Variants in SOAT2 observed in about 807,000 individuals in gnomAD.
The protein encoded by SOAT2 is sterol O-acyltransferase 2.
In SOAT2, 87 loss-of-function variants were observed where a neutral mutation model predicts 76.0. The ratio of observed to expected loss-of-function variants is 1.14; its 90% confidence interval spans 0.96 to 1.37. SOAT2 has a LOEUF of 1.37. Among genes scored for constraint, SOAT2 ranks in the 40% most tolerant of loss-of-function variants. The probability of loss-of-function intolerance (pLI) is 0.00; values close to 1 mark genes in which losing one functional copy is unlikely to be tolerated. For synonymous variants in SOAT2, 285 were observed against 275.4 expected, an observed-to-expected ratio of 1.03 and a Z score of -0.34; for missense variants, 686 against 682.1, an observed-to-expected ratio of 1.01 and a Z score of -0.06.
chr12:53,123,085 T>C lies in SOAT2; in HGVS notation c.1241T>C (p.Leu414Pro), dbSNP rs138006490. ...SYVYQDGLRLLGARARGVAML... is the reference protein window; with the variant it reads ...SYVYQDGLRLPGARARGVAML... ...CTCCTTTCCTCACCCTGCCAGCTCC[T>C]TGGTGCCCGGGCCCGAGGGGTAGCC... The change falls in exon 13 of 15, where the codon CTT becomes CCT. Residue 414 changes from leucine (L) to proline (P), a missense_variant. Transcript: ENST00000301466. The C allele has an allele frequency of 2.4e-4, 389 of 1,611,928 alleles. 3 individuals are homozygous for C. The African/African-American group carries it at 4.8e-3, about 20-fold the overall frequency.
intron 5 of SOAT2, 83 bp from the exon 6 acceptor site, chr12:53,115,304 TTCA>T: frequency 6.9e-7 from 1 of 1,450,706 alleles, no homozygotes; most frequent in Non-Finnish European, 9.2e-7. Context: ...GATACCTCAG[TTCA>T]TCTTCCAGGA....
At chr12:53,113,171 TC>T in intron 5 of SOAT2, among the ~76,000 whole-genome samples, 1 of 152,210 alleles carries the variant, frequency 6.6e-6, no homozygotes, top group African/African-American at 2.4e-5. Context: ...GGGAGTGCAC[TC>T]AGGCAAAACA....
intron 5 of SOAT2, 82 bp downstream of exon 5, chr12:53,106,096 C>G (rs1937930456): frequency 2.2e-6 from 2 of 899,620 alleles, no homozygotes; most frequent in Non-Finnish European, 3.6e-6. Flanking sequence ...GCCCTTGGGG[C>G]AAGAGGACAC....
intron 5 of SOAT2, among the ~76,000 whole-genome samples, chr12:53,106,657 T>G (rs1485220130): frequency 1.3e-5 from 2 of 152,254 alleles, no homozygotes; most frequent in Non-Finnish European, 2.9e-5. Flanking sequence ...TTTTTATTTC[T>G]GTAACCAGTT....
At position 53,119,234 on chromosome 12, in the gene SOAT2, C is replaced by T. The variant is rs759168086; in HGVS notation, c.1020C>T (p.Ile340=). The T allele has an allele frequency of 4.3e-6, 7 of 1,614,112 alleles. No individual in the cohort carries two copies. The South Asian group carries it at 6.6e-5, about 15-fold the overall frequency. The change falls in exon 10 of 15, where the codon ATC becomes ATT. Residue 340 remains isoleucine, a synonymous_variant. Transcript: ENST00000301466. ...GCACCCGTGCCCTGGTGCTCTCTAT[C>T]CTGCATGCCACGTTGCCAGGTGAGC... ...PFSTRALVLS[I]LHATLPGIFM...
chr12:53,110,614 C>A (rs1937996977), intron 5 of SOAT2, among the ~76,000 whole-genome samples: 2 of 152,084 alleles, frequency 1.3e-5, no homozygotes, highest in African/African-American at 4.8e-5. Context: ...TATATAAATT[C>A]TCTTTTCTTT....
chr12:53,105,941 TACC>T lies in SOAT2; in HGVS notation c.373_375del (p.His125del). 2 of 1,582,502 alleles carry T rather than the reference TACC, an allele frequency of 1.3e-6. No individual in the cohort carries two copies. Among genetic ancestry groups the T allele is most frequent in the Non-Finnish European group, 1.7e-6 (2 of 1,169,336 alleles). On this transcript the variant is annotated inframe_deletion, in exon 5 of 15. Coordinates refer to ENST00000301466, the MANE Select transcript of SOAT2 (RefSeq NM_003578.4). ...GGAGGTGCAGCATTTCCGCACCATC[TACC>T]ACATGTTCATCGCTGGCCTGTGTGT...
At chr12:53,107,622 C>CTTTTTTTTTTTTTTTTTTTTTTTTT (rs1303838303) in intron 5 of SOAT2, among the ~76,000 whole-genome samples, 3 of 117,036 alleles carry the variant, frequency 2.6e-5, no homozygotes, top group African/African-American at 1.1e-4. Flanking sequence ...AACAGATGTA[C>CTTTTTTTTTTTTTTTTTTTTTTTTT]TTTTTTTTTT....
intron 10 of SOAT2, among the ~76,000 whole-genome samples, chr12:53,119,998 C>A (rs975999566): frequency 6.6e-6 from 1 of 152,166 alleles, no homozygotes; most frequent in Admixed American, 6.6e-5. Flanking sequence ...ACATCTGGCA[C>A]AAAGTGATGC....
chr12:53,114,925 C>A (rs1228572753), intron 5 of SOAT2, among the ~76,000 whole-genome samples: 1 of 152,144 alleles, frequency 6.6e-6, no homozygotes, highest in African/African-American at 2.4e-5. Flanking sequence ...TATGGAGGTG[C>A]CAGATTTGTT....
In SOAT2 at chr12:53,103,705, A is replaced by T. The variant is rs142840773; in HGVS notation, c.82+46A>T. On this transcript the variant is annotated intron_variant, in intron 1 of 14. Transcript: ENST00000301466. Reference sequence around the variant, plus strand: ...CAGAAGGCACAGGCAAGTGGGGGGGAGGCGGGGAGAGATGCGCTATGGAGA... The same window carrying T: ...CAGAAGGCACAGGCAAGTGGGGGGGTGGCGGGGAGAGATGCGCTATGGAGA... 3.7e-4 allele frequency: 521 copies of T among 1,397,566 alleles called. No homozygotes were observed. In the African/African-American group the frequency reaches 6.7e-3, roughly 18 times the overall value. The allele number at this position is 1,397,566 out of a possible 1,614,324, so 86.6% of individuals were successfully genotyped here. A position where few individuals can be genotyped will look rare whatever the true frequency, so the allele number is the denominator to read the frequency against.
In SOAT2 at chr12:53,116,134, A is replaced by G; in HGVS notation, c.746A>G (p.Glu249Gly). 6.2e-7 allele frequency: 1 copy of G among 1,614,160 alleles called. No individual in the cohort carries two copies. The highest frequency in any genetic ancestry group is 8.5e-7 in the Non-Finnish European group (1 of 1,180,000). The stretch of plus-strand genomic sequence containing the variant: ...ATGAAAAGCTACTCCTTCCTGAGAG[A>G]GGCTGTGCCTGGGACCCTTCGTGCC... ...FLMKSYSFLREAVPGTLRARR... is the reference protein window; with the variant it reads ...FLMKSYSFLRGAVPGTLRARR... The change falls in exon 7 of 15, where the codon GAG becomes GGG. Residue 249 changes from glutamate to glycine, a missense_variant. Coordinates refer to ENST00000301466, the MANE Select transcript of SOAT2 (RefSeq NM_003578.4).
chr12:53,119,895 G>A (rs1013432459), intron 10 of SOAT2, among the ~76,000 whole-genome samples: 1 of 152,108 alleles, frequency 6.6e-6, no homozygotes, highest in Non-Finnish European at 1.5e-5. Flanking sequence ...TGGACACATG[G>A]TTGGACATCT....
chr12:53,105,672 G>A (rs780529132), intron 4 of SOAT2, 52 bp downstream of exon 4: 1 of 1,519,254 alleles, frequency 6.6e-7, no homozygotes, highest in Admixed American at 1.8e-5. Context: ...GCTTTGGCTA[G>A]GGGTCAAGGT....
intron 5 of SOAT2, among the ~76,000 whole-genome samples, chr12:53,110,067 C>T (rs1419487463): frequency 1.3e-5 from 2 of 152,162 alleles, no homozygotes; most frequent in East Asian, 1.9e-4. Flanking sequence ...TTTATCTTAC[C>T]CAACTTAAAA....
rs767371546 is a variant in SOAT2, at chr12:53,119,139, C to T, written c.925C>T (p.Leu309Phe). 43 of 1,613,904 alleles carry T rather than the reference C, an allele frequency of 2.7e-5. No homozygotes were observed. In the South Asian group the frequency reaches 4.5e-4, roughly 17 times the overall value. ...KNFAQALGCV[L>F]YACFILGRLC... is the part of the protein sequence containing the mutation. ...CCCCCTCCAGGCCCTGGGATGTGTG[C>T]TCTATGCCTGCTTCATCCTGGGCCG... Residue 309 changes from leucine (L) to phenylalanine (F), a missense_variant, in exon 10 of 15, where the codon CTC (leucine) becomes TTC (phenylalanine). Coordinates refer to ENST00000301466, the MANE Select transcript of SOAT2 (RefSeq NM_003578.4).
Position 53,115,665 on chromosome 12 carries a change from A to G in SOAT2, c.708+11A>G. 6.7e-7 allele frequency: 1 copy of G among 1,503,320 alleles called. No homozygotes were observed. Among genetic ancestry groups the G allele is most frequent in the African/African-American group, 1.4e-5 (1 of 72,640 alleles). The allele number at this position is 1,503,320 out of a possible 1,614,324, so 93.1% of individuals were successfully genotyped here. A position where few individuals can be genotyped will look rare whatever the true frequency, so the allele number is the denominator to read the frequency against. On this transcript the variant is annotated intron_variant, in intron 6 of 14. Transcript: ENST00000301466. ...CTGGTCTTCGAGCAGGTGAGGGCCGAGCCCTGCTGACGGACAGGAAGGAAC... is the reference window on the plus strand; with the variant it reads ...CTGGTCTTCGAGCAGGTGAGGGCCGGGCCCTGCTGACGGACAGGAAGGAAC...
chr12:53,119,176 C>T lies in SOAT2; in HGVS notation c.962C>T (p.Pro321Leu), dbSNP rs1169681659. ...TTCATCCTGGGCCGCCTCTGTGTTC[C>T]TGTCTTTGCCAACATGAGCCGAGAG... ...ACFILGRLCV[P>L]VFANMSREPF... The change falls in exon 10 of 15, where the codon CCT (proline) becomes CTT (leucine). Residue 321 changes from proline (P) to leucine (L), a missense_variant. By Grantham distance (98) the Pro-to-Leu change is moderately conservative (BLOSUM62 -3). Coordinates refer to ENST00000301466, the MANE Select transcript of SOAT2 (RefSeq NM_003578.4). The T allele has an allele frequency of 6.2e-7, 1 of 1,613,986 alleles. No homozygotes were observed. Among genetic ancestry groups the T allele is most frequent in the South Asian group, 1.1e-5 (1 of 91,076 alleles).
At position 53,116,141 on chromosome 12, in the gene SOAT2, G is replaced by A. The variant is rs1388086627; in HGVS notation, c.753G>A (p.Val251=). 1 of 1,614,180 alleles carries A rather than the reference G, an allele frequency of 6.2e-7. No homozygotes were observed. Among genetic ancestry groups the A allele is most frequent in the Non-Finnish European group, 8.5e-7 (1 of 1,180,000 alleles). ...GCTACTCCTTCCTGAGAGAGGCTGTGCCTGGGACCCTTCGTGCCAGACGAG... is the reference window on the plus strand; with the variant it reads ...GCTACTCCTTCCTGAGAGAGGCTGTACCTGGGACCCTTCGTGCCAGACGAG... ...MKSYSFLREA[V]PGTLRARRGE... The change falls in exon 7 of 15, where the codon GTG becomes GTA. Residue 251 remains valine (V), a synonymous_variant. Coordinates refer to ENST00000301466, the MANE Select transcript of SOAT2 (RefSeq NM_003578.4).
Sources: gnomAD v4.1 joint callset for allele counts (sites outside exome capture counted in the v4.1 genomes callset) on GRCh38, gnomAD v4.1.1 for gene constraint, MANE v1.5 for transcripts, NCBI Gene and HGNC (gene_info 2026-07-23, HGNC 2026-07-21) for gene names.